The following PRDM16 variants were observed in gnomAD, a reference collection of about 807,000 sequenced individuals.
The protein encoded by PRDM16 is histone-lysine N-methyltransferase PRDM16.
In PRDM16, 23 loss-of-function variants were observed where a neutral mutation model predicts 110.6. The observed-to-expected ratio is 0.21, with a 90% CI of 0.15 to 0.29. PRDM16 has a LOEUF of 0.29. Ranked by LOEUF, PRDM16 falls within the 10% of genes least tolerant of loss-of-function variation. The pLI is 1.00. For missense variants in PRDM16, 1,615 were observed against 1,794.3 expected (o/e 0.90, Z 1.81); for synonymous variants, 799 against 781.8 (o/e 1.02, Z -0.37).
chr1:3,425,982 G>T lies in PRDM16; in HGVS notation c.3110-69G>T. 6.5e-7 allele frequency: 1 copy of T among 1,528,108 alleles called. No individual in the cohort carries two copies. The highest frequency in any genetic ancestry group is 2.3e-5 in the East Asian group (1 of 43,700). The allele number at this position is 1,528,108 out of a possible 1,614,324, so 94.7% of individuals were successfully genotyped here. A position where few individuals can be genotyped will look rare whatever the true frequency, so the allele number is the denominator to read the frequency against. On this transcript the variant is annotated intron_variant, in intron 13 of 16. Coordinates refer to ENST00000270722, the MANE Select transcript of PRDM16 (RefSeq NM_022114.4). The surrounding 1 kb of genome is among the most constrained non-coding windows in gnomAD (Gnocchi z 6.9). ...AGCACCCCAGGTGTACCCCGTTCGC[G>T]GTTGGTTTGCCCCACGGAGGGAGGG...
chr1:3,281,523 T>C (rs1450834132), intron 3 of PRDM16, among the ~76,000 whole-genome samples: 1 of 152,242 alleles, frequency 6.6e-6, no homozygotes, highest in Non-Finnish European at 1.5e-5. Context: ...ATGATCAGAT[T>C]GATTGATTAG....
chr1:3,274,815 G>T (rs924558484), intron 3 of PRDM16, among the ~76,000 whole-genome samples: 5 of 151,398 alleles, frequency 3.3e-5, no homozygotes, highest in Admixed American at 3.3e-4. Context: ...TGTATGTTTG[G>T]GGGCAGTGGT....
intron 2 of PRDM16, among the ~76,000 whole-genome samples, chr1:3,195,247 C>T (rs1638437811): frequency 1.3e-5 from 2 of 152,208 alleles, no homozygotes; most frequent in African/African-American, 4.8e-5. Flanking sequence ...ACAGCACAGG[C>T]TTCCCATGTC....
chr1:3,081,484 G>A lies in PRDM16; in HGVS notation c.37+12188G>A, dbSNP rs941732306. Among the ~76,000 whole-genome samples the A allele has an allele frequency of 1.5e-4, 23 of 152,190 alleles. No homozygotes were observed. The highest frequency in any genetic ancestry group is 2.6e-4 in the Admixed American group (4 of 15,282). On this transcript the variant is annotated intron_variant, in intron 1 of 16. Coordinates refer to ENST00000270722, the MANE Select transcript of PRDM16 (RefSeq NM_022114.4). The surrounding 1 kb of genome is among the most constrained non-coding windows in gnomAD (Gnocchi z 4.6). The stretch of plus-strand genomic sequence containing the variant: ...GAGCTGTGGCCGTGTGAGGAGCAGG[G>A]CTGAGGTGGGGAGAACGCCGACTTG...
intron 5 of PRDM16, among the ~76,000 whole-genome samples, chr1:3,402,412 T>C (rs1332957927): frequency 6.6e-6 from 1 of 152,272 alleles, no homozygotes; most frequent in African/African-American, 2.4e-5. Context: ...ACTGGAGCTC[T>C]GTCATCGTTT....
intron 1 of PRDM16, among the ~76,000 whole-genome samples, chr1:3,142,307 G>A (rs1041928791): frequency 2.6e-5 from 4 of 152,240 alleles, no homozygotes; most frequent in Admixed American, 1.3e-4. Context: ...AAAACATCTG[G>A]CTGTGCTAAC....
chr1:3,182,670 G>A (rs895299893), intron 1 of PRDM16, among the ~76,000 whole-genome samples: 4 of 152,128 alleles, frequency 2.6e-5, no homozygotes, highest in Non-Finnish European at 4.4e-5. Context: ...CAGCCAGCTC[G>A]GTCTCTGTCC....
intron 3 of PRDM16, among the ~76,000 whole-genome samples, chr1:3,338,825 G>A (rs562772639): frequency 1.3e-4 from 20 of 152,340 alleles, no homozygotes; most frequent in African/African-American, 2.4e-4. Context: ...ACATGCCACC[G>A]TCCTGTTTTC....
intron 3 of PRDM16, among the ~76,000 whole-genome samples, chr1:3,247,832 G>A (rs973097817): frequency 1.3e-5 from 2 of 152,250 alleles, no homozygotes; most frequent in Non-Finnish European, 2.9e-5. Context: ...GCTGCGTCGC[G>A]CCTTTCCTGG....
chr1:3,433,955 T>G lies in PRDM16; in HGVS notation c.*144T>G, dbSNP rs1638842725. The G allele has an allele frequency of 1.2e-6, 1 of 821,542 alleles. No individual in the cohort carries two copies. The highest frequency in any genetic ancestry group is 1.7e-5 in the African/African-American group (1 of 57,886). 50.9% of individuals were successfully genotyped at this position (821,542 alleles called of 1,614,324 possible). A position where few individuals can be genotyped will look rare whatever the true frequency, so the allele number is the denominator to read the frequency against. Reference sequence around the variant, plus strand: ...ACCCACCATGGTTCATTCCGACTTTTCCAATGGAAACTCAGATCCCAAAAG... The same window carrying G: ...ACCCACCATGGTTCATTCCGACTTTGCCAATGGAAACTCAGATCCCAAAAG... On this transcript the variant is annotated 3_prime_UTR_variant, in exon 17 of 17. Transcript: ENST00000270722.
At chr1:3,307,473 TGAG>T (rs1641341188) in intron 3 of PRDM16, 1 of 152,200 alleles carries the variant, frequency 6.6e-6, no homozygotes, top group African/African-American at 2.4e-5. Context: ...TCAATAATAA[TGAG>T]GGAGAAAATT....
In PRDM16 at chr1:3,290,063, A is replaced by T. The variant is rs1419535764; in HGVS notation, c.438+45926A>T. On this transcript the variant is annotated intron_variant, in intron 3 of 16. Transcript: ENST00000270722. This position sits in a 1 kb window ranked among gnomAD's most constrained non-coding sequence, Gnocchi z 4.8. The stretch of plus-strand genomic sequence containing the variant: ...CTGGTGGAGCGGTTTCTGGCTTTAA[A>T]AGTGTGCTCGTGAGCGCAGGGTGTT... Among the ~76,000 whole-genome samples, 4 of 152,158 alleles carry T rather than the reference A, an allele frequency of 2.6e-5. No homozygotes were observed. The East Asian group carries it at 7.8e-4, about 30-fold the overall frequency.
intron 3 of PRDM16, among the ~76,000 whole-genome samples, chr1:3,365,939 C>CA (rs1491427510): frequency 1.1e-5 from 1 of 91,366 alleles, no homozygotes; most frequent in Non-Finnish European, 1.9e-5. Flanking sequence ...CACATGCACA[C>CA]AAACGCACAC....
rs916449828 is a variant in PRDM16 at position 3,426,216 on chromosome 1, C to A, written c.3275C>A (p.Thr1092Lys). ...NSEMNQASTRTEKRADMQIVD... is the reference protein window; with the variant it reads ...NSEMNQASTRKEKRADMQIVD... ...GAGATGAACCAAGCATCAACGCGAA[C>A]AGAGAAACGGTAAGAAAACTATCGC... Residue 1092 changes from threonine (T) to lysine (K), a missense_variant, in exon 14 of 17, where the codon ACA becomes AAA. By Grantham distance (78) the Thr-to-Lys change is moderately conservative. This residue lies in a region of PRDM16 where 327 missense variants were observed against 359.3 expected (regional missense o/e 0.91). Transcript: ENST00000270722. 6.2e-7 allele frequency: 1 copy of A among 1,613,110 alleles called. No homozygotes were observed. The highest frequency in any genetic ancestry group is 8.5e-7 in the Non-Finnish European group (1 of 1,179,336).
At chr1:3,408,945 TGAGG>T (rs537777634) in intron 8 of PRDM16, among the ~76,000 whole-genome samples, 12 of 111,206 alleles carry the variant, frequency 1.1e-4, no homozygotes, top group African/African-American at 1.1e-4. Flanking sequence ...CGCATGAGAG[TGAGG>T]GGCGTGTGAG....
chr1:3,113,426 C>T (rs888340978), intron 1 of PRDM16, among the ~76,000 whole-genome samples: 1 of 148,534 alleles, frequency 6.7e-6, no homozygotes, highest in African/African-American at 2.5e-5. Context: ...TGGGGATGCC[C>T]AGGACCTGCA....
chr1:3,411,377 G>A lies in PRDM16; in HGVS notation c.1187-7G>A. On this transcript the variant is annotated splice_region_variant and splice_polypyrimidine_tract_variant and intron_variant, in intron 8 of 16. Coordinates refer to ENST00000270722, the MANE Select transcript of PRDM16 (RefSeq NM_022114.4). ...CGGGTTTGTCTTGGCTTCTGCTGAT[G>A]TTTTAGGTGAGGTCTGCCACAAGTC... 6.3e-7 allele frequency: 1 copy of A among 1,596,410 alleles called. No homozygotes were observed. The highest frequency in any genetic ancestry group is 1.3e-5 in the African/African-American group (1 of 74,770).
chr1:3,423,788 G>GT (rs1638508451), intron 12 of PRDM16, among the ~76,000 whole-genome samples: 1 of 152,196 alleles, frequency 6.6e-6, no homozygotes, highest in African/African-American at 2.4e-5. Flanking sequence ...CTGCTACCAG[G>GT]CCCCCCCGGC....
intron 14 of PRDM16, among the ~76,000 whole-genome samples, chr1:3,427,349 C>T (rs935814832): frequency 7.2e-5 from 11 of 152,180 alleles, no homozygotes; most frequent in South Asian, 4.1e-4. Flanking sequence ...GAAGGGAAAA[C>T]GGGGCCCACA....
Sources: gnomAD v4.1 joint callset for allele counts (sites outside exome capture counted in the v4.1 genomes callset) on GRCh38, gnomAD v4.1.1 for gene constraint, gnomAD v4.1.1 regional missense constraint, Gnocchi (gnomAD v3.1) non-coding constraint, MANE v1.5 for transcripts, NCBI Gene and HGNC (gene_info 2026-07-23, HGNC 2026-07-21) for gene names.